FAM135B: variants seen among roughly 807,000 people sequenced by gnomAD.
FAM135B encodes family with sequence similarity 135 member B.
Under a neutral mutation model 127.7 loss-of-function variants are expected in FAM135B, and 43 were observed. The ratio of observed to expected loss-of-function variants is 0.34; its 90% CI spans 0.26 to 0.43. The LOEUF (loss-of-function observed/expected upper bound fraction) is 0.43. FAM135B is among the 20% of genes least tolerant of loss of function. The probability of loss-of-function intolerance (pLI) is 1.00; values close to 1 mark genes in which losing one functional copy is unlikely to be tolerated. For missense variants in FAM135B, 1,558 were observed against 1,725.6 expected (o/e 0.90, Z 1.72); for synonymous variants, 670 against 665.1 (o/e 1.01, Z -0.11).
chr8:138,205,844 G>C (rs1391812403), intron 7 of FAM135B, among the ~76,000 whole-genome samples: 1 of 152,048 alleles, frequency 6.6e-6, no homozygotes, highest in African/African-American at 2.4e-5. Context: ...GGCTGGAACT[G>C]AGGGGTGGGC....
At chr8:138,450,771 T>C (rs1296665318) in intron 1 of FAM135B, 1 of 152,204 alleles carries the variant, frequency 6.6e-6, no homozygotes, top group African/African-American at 2.4e-5. Flanking sequence ...CAAGGGCTCA[T>C]TAGCATTTGA....
At chr8:138,461,281 G>A (rs1003717012) in intron 1 of FAM135B, among the ~76,000 whole-genome samples, 4 of 152,078 alleles carry the variant, frequency 2.6e-5, no homozygotes, top group African/African-American at 9.7e-5. Flanking sequence ...TGCTGGGGAT[G>A]CATCCTGGTC....
At chr8:138,398,352 T>C (rs1302086549) in intron 1 of FAM135B, among the ~76,000 whole-genome samples, 2 of 152,172 alleles carry the variant, frequency 1.3e-5, no homozygotes, top group East Asian at 1.9e-4. Context: ...CAAAAGGAAG[T>C]TGCTAAAAAT....
intron 7 of FAM135B, among the ~76,000 whole-genome samples, chr8:138,216,006 C>T (rs560123808): frequency 2.6e-5 from 4 of 152,244 alleles, no homozygotes; most frequent in Admixed American, 2.6e-4. Context: ...ATATTCATTT[C>T]CAATAACAAA....
intron 9 of FAM135B, among the ~76,000 whole-genome samples, chr8:138,188,331 C>T (rs1469999669): frequency 6.6e-6 from 1 of 152,190 alleles, no homozygotes; most frequent in Non-Finnish European, 1.5e-5. Flanking sequence ...CCAGGACTCA[C>T]AACCTGCACC....
rs1482699640 is a variant in FAM135B at position 138,339,502 on chromosome 8, T to C, written c.77+28405A>G. 7.5e-4 allele frequency among the ~76,000 whole-genome samples: 114 copies of C among 151,610 alleles called. 8 individuals are homozygous for C. Among genetic ancestry groups the C allele is most frequent in the Non-Finnish European group, 7.4e-5 (5 of 67,986 alleles). On this transcript the variant is annotated intron_variant, in intron 2 of 19. Transcript: ENST00000395297. ...GCAGAATGCCAGGGATGTATTAGAG[T>C]CAGGAAAAGTGACACCTGCCATTTC...
chr8:138,467,121 C>T (rs1455311804), intron 1 of FAM135B, among the ~76,000 whole-genome samples: 2 of 152,176 alleles, frequency 1.3e-5, no homozygotes, highest in Admixed American at 1.3e-4. Flanking sequence ...TCCAGAAATA[C>T]GATTGGAAGA....
chr8:138,439,261 T>C (rs1835629845), intron 1 of FAM135B: 1 of 152,210 alleles, frequency 6.6e-6, no homozygotes, highest in Non-Finnish European at 1.5e-5. Context: ...CCAATTATCA[T>C]TTCATAATGG....
At position 138,154,647 on chromosome 8, in the gene FAM135B, G is replaced by A. The variant is rs148886034; in HGVS notation, c.1259-1431C>T. Among the ~76,000 whole-genome samples, 1,054 of 152,156 alleles carry A rather than the reference G, an allele frequency of 6.9e-3. 21 individuals are homozygous for A. Among genetic ancestry groups the A allele is most frequent in the African/African-American group, 0.024 (1,007 of 41,514 alleles). ...ATGGCATGAGAACTACATGACACAT[G>A]CACAAGCTTGAGTAGCCGATTCAAT... is the stretch of plus-strand genomic sequence containing the variant. On this transcript the variant is annotated intron_variant, in intron 12 of 19. Coordinates refer to ENST00000395297, the MANE Select transcript of FAM135B (RefSeq NM_015912.4).
chr8:138,483,468 C>A (rs1814866322), intron 1 of FAM135B, among the ~76,000 whole-genome samples: 1 of 152,148 alleles, frequency 6.6e-6, no homozygotes, highest in East Asian at 1.9e-4. Flanking sequence ...GTGGGAAATG[C>A]CTTTTCAGAA....
chr8:138,454,082 T>C (rs1260915160), intron 1 of FAM135B, among the ~76,000 whole-genome samples: 1 of 151,882 alleles, frequency 6.6e-6, no homozygotes, highest in Non-Finnish European at 1.5e-5. Flanking sequence ...CCAGACGGGA[T>C]GCAGGAGAGG....
At chr8:138,283,259 A>G (rs1824409019) in intron 3 of FAM135B, among the ~76,000 whole-genome samples, 1 of 152,178 alleles carries the variant, frequency 6.6e-6, no homozygotes, top group Non-Finnish European at 1.5e-5. Context: ...CGTCCATACA[A>G]TGGAATATTA....
chr8:138,453,446 C>T (rs1042932197), intron 1 of FAM135B, among the ~76,000 whole-genome samples: 27 of 149,652 alleles, frequency 1.8e-4, no homozygotes, highest in Non-Finnish European at 2.5e-4. Flanking sequence ...AAAAAAGAGG[C>T]AAAATGACTA....
At chr8:138,332,784 A>G (rs1285691715) in intron 2 of FAM135B, among the ~76,000 whole-genome samples, 2 of 152,138 alleles carry the variant, frequency 1.3e-5, no homozygotes, top group Non-Finnish European at 2.9e-5. Flanking sequence ...AAGAAATGAA[A>G]GTTGTTGAGT....
Position 138,180,199 on chromosome 8 carries a change from G to C in FAM135B, c.874-1509C>G, listed in dbSNP as rs186156496. 6.6e-5 allele frequency among the ~76,000 whole-genome samples: 10 copies of C among 152,288 alleles called. No individual in the cohort carries two copies. The East Asian group carries it at 1.7e-3, about 26-fold the overall frequency. On this transcript the variant is annotated intron_variant, in intron 9 of 19. Transcript: ENST00000395297. ...GGATGGCAGGAAGCCAGTTGCCAAA[G>C]CCTGTCACTGACCTCTAAGCTTCCT...
intron 7 of FAM135B, among the ~76,000 whole-genome samples, chr8:138,230,358 T>C (rs1323757389): frequency 1.3e-5 from 2 of 152,206 alleles, no homozygotes; most frequent in Non-Finnish European, 2.9e-5. Flanking sequence ...GTGACTCTTT[T>C]ACGTCCAACA....
At chr8:138,189,102 C>A (rs1815869260) in intron 9 of FAM135B, among the ~76,000 whole-genome samples, 1 of 152,198 alleles carries the variant, frequency 6.6e-6, no homozygotes, top group African/African-American at 2.4e-5. Context: ...CAGGCTATAC[C>A]AACAGAGAGA....
chr8:138,399,821 C>G (rs2131359755), intron 1 of FAM135B, among the ~76,000 whole-genome samples: 1 of 152,216 alleles, frequency 6.6e-6, no homozygotes, highest in South Asian at 2.1e-4. Context: ...CGTCAGAATT[C>G]ATGATCAAAA....
intron 2 of FAM135B, among the ~76,000 whole-genome samples, chr8:138,343,936 T>C (rs191533203): frequency 6.6e-6 from 1 of 152,290 alleles, no homozygotes; most frequent in African/African-American, 2.4e-5. Flanking sequence ...TCCAGATCAT[T>C]GCTGCCTGAC....
Sources: allele counts gnomAD v4.1 joint callset (sites outside exome capture counted in the v4.1 genomes callset), GRCh38; gene constraint gnomAD v4.1.1; transcripts MANE v1.5; gene names NCBI Gene and HGNC (gene_info 2026-07-23, HGNC 2026-07-21).